The following UGGT1 variants were observed in gnomAD, a reference collection of about 807,000 sequenced individuals.
UGGT1 encodes UDP-glucose:glycoprotein glucosyltransferase 1.
Under a neutral mutation model 203.9 loss-of-function variants are expected in UGGT1, and 107 were observed. The observed-to-expected ratio is 0.52, with a 90% CI of 0.45 to 0.62. The LOEUF (loss-of-function observed/expected upper bound fraction) is 0.62, where lower values mean the gene tolerates loss of function less well. UGGT1 is among the 20% of genes least tolerant of loss of function. The probability of loss-of-function intolerance (pLI) is 0.00; values close to 1 mark genes in which losing one functional copy is unlikely to be tolerated. For missense variants in UGGT1, 1,673 were observed against 1,867.2 expected, an observed-to-expected ratio of 0.90 and a Z score of 1.92; for synonymous variants, 628 against 653.5, an observed-to-expected ratio of 0.96 and a Z score of 0.59.
At chr2:128,130,286 G>A (rs1451935107) in intron 13 of UGGT1, among the ~76,000 whole-genome samples, 2 of 151,036 alleles carry the variant, frequency 1.3e-5, no homozygotes, top group African/African-American at 2.4e-5. Flanking sequence ...AATAGAGAAT[G>A]TGGGGAATAG....
At chr2:128,130,221 A>C (rs1173024488) in intron 13 of UGGT1, among the ~76,000 whole-genome samples, 1 of 149,088 alleles carries the variant, frequency 6.7e-6, no homozygotes, top group African/African-American at 2.5e-5. Context: ...AGATCACGCC[A>C]CTGCGCTCCA....
At position 128,152,414 on chromosome 2, in the gene UGGT1, C is replaced by T. The variant is rs372332759; in HGVS notation, c.2017-370C>T. ...CCTCAAGTGATCTGCCTTCCTCAGC[C>T]TCCCAAAGTGCTGGGATTACAGGCA... is the stretch of plus-strand genomic sequence containing the variant. On this transcript the variant is annotated intron_variant, in intron 18 of 40. Transcript: ENST00000259253. Among the ~76,000 whole-genome samples, 11 of 152,326 alleles carry T rather than the reference C, an allele frequency of 7.2e-5. No homozygotes were observed. In the East Asian group the frequency reaches 2.1e-3, roughly 29 times the overall value.
At chr2:128,178,423 G>T in intron 33 of UGGT1, 45 bp from the exon 34 acceptor site, 1 of 1,501,074 alleles carries the variant, frequency 6.7e-7, no homozygotes, top group Non-Finnish European at 9.1e-7. Flanking sequence ...CCGTGTGTCT[G>T]TATGAGTGTT....
chr2:128,153,213 C>G (rs559769171), intron 19 of UGGT1, among the ~76,000 whole-genome samples: 7 of 152,246 alleles, frequency 4.6e-5, no homozygotes, highest in Non-Finnish European at 7.4e-5. Flanking sequence ...CTGGATTGTT[C>G]GCTTCTCTAG....
intron 12 of UGGT1, among the ~76,000 whole-genome samples, chr2:128,128,158 G>A (rs979863683): frequency 2.0e-5 from 3 of 152,082 alleles, no homozygotes; most frequent in Non-Finnish European, 4.4e-5. Flanking sequence ...CCACTTTTTG[G>A]TAAAATGTGG....
rs750592702 is a variant in UGGT1, at chr2:128,182,119, A to C, written c.4084-11A>C. On this transcript the variant is annotated splice_polypyrimidine_tract_variant and intron_variant, in intron 36 of 40. Transcript: ENST00000259253. ...ATGGTTGCTTAACAAATGACTTTTT[A>C]TATTCTCCAGATTGTACGAACAGAT... 2 of 1,611,674 alleles carry C rather than the reference A, an allele frequency of 1.2e-6. No homozygotes were observed. The highest frequency in any genetic ancestry group is 3.4e-5 in the Admixed American group (2 of 59,516).
Position 128,179,738 on chromosome 2 carries a change from T to C in UGGT1, c.3816-48T>C, listed in dbSNP as rs1323225048. On this transcript the variant is annotated intron_variant, in intron 34 of 40. Coordinates refer to ENST00000259253, the MANE Select transcript of UGGT1 (RefSeq NM_020120.4). ...GATTGACTCTACATAATGTTGAGGT[T>C]AAATAACATTGGAAAGCTGTTATTA... 2.7e-6 allele frequency: 4 copies of C among 1,506,780 alleles called. No homozygotes were observed. The African/African-American group carries it at 5.5e-5, about 21-fold the overall frequency. The allele number at this position is 1,506,780 out of a possible 1,614,324, so 93.3% of individuals were successfully genotyped here.
intron 23 of UGGT1, 30 bp downstream of exon 23, chr2:128,159,750 C>G (rs1428899278): frequency 1.9e-6 from 3 of 1,599,830 alleles, no homozygotes; most frequent in Non-Finnish European, 2.6e-6. Flanking sequence ...ATGAGGCTGC[C>G]CCATTTTGTC....
chr2:128,133,374 C>T (rs370976433), intron 14 of UGGT1, 114 bp downstream of exon 14: 87 of 1,371,346 alleles, frequency 6.3e-5, no homozygotes, highest in East Asian at 3.2e-4. Flanking sequence ...CCTCCCCCAC[C>T]CTTCACCAAA....
chr2:128,176,739 C>T, intron 31 of UGGT1, 75 bp from the exon 32 acceptor site: 1 of 1,350,456 alleles, frequency 7.4e-7, no homozygotes, highest in Non-Finnish European at 1.1e-6. Flanking sequence ...GGATGATGGA[C>T]TCAGATGCTC....
intron 39 of UGGT1, 156 bp from the exon 40 acceptor site, chr2:128,187,293 A>T: frequency 1.4e-6 from 1 of 714,878 alleles, no homozygotes; most frequent in Non-Finnish European, 2.2e-6. Context: ...ATACAGCTTT[A>T]CATAGCCCAC....
At position 128,168,886 on chromosome 2, in the gene UGGT1, A is replaced by G. The variant is rs997107396; in HGVS notation, c.2922-1402A>G. Among the ~76,000 whole-genome samples the G allele has an allele frequency of 7.9e-5, 12 of 151,816 alleles. 1 individual carries two copies. Among genetic ancestry groups the G allele is most frequent in the Admixed American group, 7.2e-4 (11 of 15,242 alleles). On this transcript the variant is annotated intron_variant, in intron 26 of 40. Transcript: ENST00000259253. ...ACATGGCAAAACACCGTCTCTACTA[A>G]CAATACACAAATTAGCTGGGCATGG... is the stretch of plus-strand genomic sequence containing the variant.
rs1280963133 is a variant in UGGT1 at position 128,144,116 on chromosome 2, T to C, written c.1851+891T>C. 5.3e-5 allele frequency among the ~76,000 whole-genome samples: 8 copies of C among 152,360 alleles called. No homozygotes were observed. The East Asian group carries it at 1.3e-3, about 26-fold the overall frequency. On this transcript the variant is annotated intron_variant, in intron 17 of 40. Coordinates refer to ENST00000259253, the MANE Select transcript of UGGT1 (RefSeq NM_020120.4). Reference sequence around the variant, plus strand: ...TTCAAAGCCAGTAAGATAATGATATTAGGAAAAGTTCTAACCTACGTGGGC... The same window carrying C: ...TTCAAAGCCAGTAAGATAATGATATCAGGAAAAGTTCTAACCTACGTGGGC...
At chr2:128,133,285 G>A in intron 14 of UGGT1, 25 bp downstream of exon 14, 2 of 1,589,640 alleles carry the variant, frequency 1.3e-6, no homozygotes, top group Non-Finnish European at 1.7e-6. Flanking sequence ...TTGTCTGGCT[G>A]TGAACTCTGT....
chr2:128,111,492 TTTA>T (rs1687846944), intron 5 of UGGT1, among the ~76,000 whole-genome samples: 1 of 151,986 alleles, frequency 6.6e-6, no homozygotes, highest in Non-Finnish European at 1.5e-5. Context: ...TACTTATATT[TTTA>T]TTTATTTATT....
At chr2:128,134,248 C>T (rs940766712) in intron 14 of UGGT1, among the ~76,000 whole-genome samples, 7 of 152,158 alleles carry the variant, frequency 4.6e-5, no homozygotes, top group Non-Finnish European at 1.0e-4. Context: ...ATTGGCTGGG[C>T]TGGTTTCAAA....
At chr2:128,164,640 A>AGCAG in intron 25 of UGGT1, 90 bp from the exon 26 acceptor site, 1 of 1,045,272 alleles carries the variant, frequency 9.6e-7, no homozygotes, top group African/African-American at 1.6e-5. Context: ...TCTTGTTAGA[A>AGCAG]TTCAGTATTT....
chr2:128,107,926 C>A lies in UGGT1; in HGVS notation c.278-12C>A. 1 of 1,613,582 alleles carries A rather than the reference C, an allele frequency of 6.2e-7. No homozygotes were observed. Among genetic ancestry groups the A allele is most frequent in the Non-Finnish European group, 8.5e-7 (1 of 1,179,594 alleles). On this transcript the variant is annotated splice_polypyrimidine_tract_variant and intron_variant, in intron 3 of 40. Transcript: ENST00000259253. ...ATACGCAATTACTTTGGTTAATGTT[C>A]TTCCTTGACAGGTACCGATTATTCC...
At chr2:128,156,493 C>A in intron 21 of UGGT1, 78 bp downstream of exon 21, 1 of 1,131,036 alleles carries the variant, frequency 8.8e-7, no homozygotes. Flanking sequence ...TAGAATTTAT[C>A]AACACTTAAT....
Sources: gnomAD v4.1 joint callset for allele counts (sites outside exome capture counted in the v4.1 genomes callset) on GRCh38, gnomAD v4.1.1 for gene constraint, MANE v1.5 for transcripts, NCBI Gene and HGNC (gene_info 2026-07-23, HGNC 2026-07-21) for gene names.